Variants in PLXNC1 observed in about 807,000 individuals in gnomAD.
PLXNC1 encodes plexin-C1.
In PLXNC1, 75 loss-of-function variants were observed where a neutral mutation model predicts 178.2. The ratio of observed to expected loss-of-function variants is 0.42; its 90% CI spans 0.35 to 0.51. The LOEUF is 0.51. Ranked by LOEUF, PLXNC1 falls within the 20% of genes least tolerant of loss-of-function variation. The pLI, the probability that PLXNC1 is intolerant of heterozygous loss-of-function variation, is 0.02. For missense variants in PLXNC1, 1,503 were observed against 1,984.4 expected (o/e 0.76, Z 4.61); for synonymous variants, 790 against 779.9 (o/e 1.01, Z -0.22).
Position 94,280,988 on chromosome 12 carries a change from C to T in PLXNC1, c.3776-1310C>T, listed in dbSNP as rs1966396834. 2.0e-5 allele frequency among the ~76,000 whole-genome samples: 3 copies of T among 152,194 alleles called. No individual in the cohort carries two copies. The South Asian group carries it at 6.2e-4, about 31-fold the overall frequency. Reference sequence around the variant, plus strand: ...AACCAGCCATCAACTGTACTGAAATCCAACACCAGGCTGGACGTGGTGGCT... The same window carrying T: ...AACCAGCCATCAACTGTACTGAAATTCAACACCAGGCTGGACGTGGTGGCT... On this transcript the variant is annotated intron_variant, in intron 22 of 30. Coordinates refer to ENST00000258526, the MANE Select transcript of PLXNC1 (RefSeq NM_005761.3).
At chr12:94,261,443 C>T (rs1161952141) in intron 20 of PLXNC1, among the ~76,000 whole-genome samples, 2 of 152,206 alleles carry the variant, frequency 1.3e-5, no homozygotes, top group Admixed American at 6.5e-5. Flanking sequence ...ATCTAGACTT[C>T]ACCACTTACT....
rs377113193 is a variant in PLXNC1, at chr12:94,159,493, G to A, written c.1062+9460G>A. On this transcript the variant is annotated intron_variant, in intron 1 of 30. Coordinates refer to ENST00000258526, the MANE Select transcript of PLXNC1 (RefSeq NM_005761.3). ...GGAAGAGCAGTGCTGGCAGACTGGA[G>A]GGCATGTGCAAGAACTCAAAGATGG... 1.8e-4 allele frequency among the ~76,000 whole-genome samples: 27 copies of A among 152,238 alleles called. No individual in the cohort carries two copies. The East Asian group carries it at 3.5e-3, about 20-fold the overall frequency.
At chr12:94,166,390 C>A (rs746138023) in intron 1 of PLXNC1, among the ~76,000 whole-genome samples, 3 of 152,128 alleles carry the variant, frequency 2.0e-5, no homozygotes, top group Non-Finnish European at 4.4e-5. Flanking sequence ...TACAAAATTA[C>A]TTAGCTAGAA....
chr12:94,238,388 T>A (rs1301225753), intron 10 of PLXNC1, among the ~76,000 whole-genome samples: 1 of 152,342 alleles, frequency 6.6e-6, no homozygotes, highest in African/African-American at 2.4e-5. Flanking sequence ...AACATTATTA[T>A]TTCTGTCACT....
intron 20 of PLXNC1, chr12:94,262,396 C>G (rs1965015260): frequency 4.4e-6 from 3 of 689,444 alleles, no homozygotes; most frequent in Non-Finnish European, 5.4e-6. Context: ...TCTACTGGAT[C>G]TTGTGATTCT....
chr12:94,248,472 C>A, intron 14 of PLXNC1, 60 bp downstream of exon 14: 2 of 1,284,194 alleles, frequency 1.6e-6, no homozygotes, highest in African/African-American at 1.5e-5. Flanking sequence ...AATTCCTTGG[C>A]TAAACCAGAG....
At chr12:94,287,709 G>A (rs1260893312) in intron 23 of PLXNC1, among the ~76,000 whole-genome samples, 1 of 152,236 alleles carries the variant, frequency 6.6e-6, no homozygotes, top group East Asian at 1.9e-4. Context: ...CAAAGGGTCT[G>A]TTAAGTAAGG....
chr12:94,296,390 G>T (rs1402581624), intron 24 of PLXNC1, among the ~76,000 whole-genome samples: 1 of 152,152 alleles, frequency 6.6e-6, no homozygotes. Flanking sequence ...TTGAAATCTG[G>T]ACTCAGGCAG....
At chr12:94,185,750 G>A (rs1014010704) in intron 3 of PLXNC1, among the ~76,000 whole-genome samples, 5 of 152,196 alleles carry the variant, frequency 3.3e-5, no homozygotes, top group South Asian at 2.1e-4. Context: ...GGTCCTCCTC[G>A]TTTCCACATT....
intron 6 of PLXNC1, among the ~76,000 whole-genome samples, 188 bp downstream of exon 6, chr12:94,220,351 C>T (rs1474474830): frequency 6.6e-6 from 1 of 152,160 alleles, no homozygotes; most frequent in East Asian, 1.9e-4. Context: ...TACTCCAAGA[C>T]CCCACTATCA....
At chr12:94,200,568 G>A (rs1425519236) in intron 4 of PLXNC1, among the ~76,000 whole-genome samples, 2 of 152,034 alleles carry the variant, frequency 1.3e-5, no homozygotes, top group Admixed American at 6.6e-5. Flanking sequence ...CCTGTTTAGT[G>A]GTGGAGAAAC....
intron 4 of PLXNC1, among the ~76,000 whole-genome samples, chr12:94,189,978 C>G (rs959188040): frequency 6.6e-6 from 1 of 151,952 alleles, no homozygotes; most frequent in Admixed American, 6.6e-5. Context: ...GAGGAGGGAC[C>G]TGGGGTGGTT....
chr12:94,295,191 C>T (rs1967779209), intron 24 of PLXNC1, among the ~76,000 whole-genome samples: 2 of 152,232 alleles, frequency 1.3e-5, no homozygotes, highest in African/African-American at 2.4e-5. Flanking sequence ...AGGCTCCTTT[C>T]ACACACACAG....
chr12:94,298,565 C>T (rs1346903400), intron 26 of PLXNC1, 67 bp from the exon 27 acceptor site: 4 of 1,244,184 alleles, frequency 3.2e-6, no homozygotes, highest in Non-Finnish European at 4.5e-6. Context: ...TTTGCTTTTG[C>T]TATTATGTTT....
At position 94,148,870 on chromosome 12, in the gene PLXNC1, G is replaced by C. The variant is rs1960825615; in HGVS notation, c.-102G>C. The C allele has an allele frequency of 5.0e-6, 1 of 200,918 alleles. No homozygotes were observed. Among genetic ancestry groups the C allele is most frequent in the Non-Finnish European group, 8.8e-6 (1 of 113,666 alleles). 12.4% of individuals were successfully genotyped at this position (200,918 alleles called of 1,614,324 possible). A position where few individuals can be genotyped will look rare whatever the true frequency, so the allele number is the denominator to read the frequency against. ...ATGGGGCGGCCGCGGGAGCCCGAGC[G>C]CGCGCAGGAACCGCCGCCGCCGCCG... is the stretch of plus-strand genomic sequence containing the variant. On this transcript the variant is annotated 5_prime_UTR_variant, in exon 1 of 31. Coordinates refer to ENST00000258526, the MANE Select transcript of PLXNC1 (RefSeq NM_005761.3). This position sits in a 1 kb window ranked among gnomAD's most constrained non-coding sequence, Gnocchi z 4.8.
chr12:94,256,801 G>A (rs1290921916), intron 17 of PLXNC1, among the ~76,000 whole-genome samples: 5 of 139,990 alleles, frequency 3.6e-5, no homozygotes, highest in Non-Finnish European at 7.6e-5. Flanking sequence ...GAACAAGATA[G>A]AGTAATGAAT....
intron 12 of PLXNC1, among the ~76,000 whole-genome samples, chr12:94,245,607 C>G (rs2136059198): frequency 6.6e-6 from 1 of 152,236 alleles, no homozygotes; most frequent in Admixed American, 6.5e-5. Context: ...CCTGTGAGTC[C>G]AAGAAGACAC....
At chr12:94,283,957 T>A (rs1243499835) in intron 23 of PLXNC1, among the ~76,000 whole-genome samples, 1 of 151,866 alleles carries the variant, frequency 6.6e-6, no homozygotes, top group Non-Finnish European at 1.5e-5. Flanking sequence ...GTGGTGCACA[T>A]CTGTAATCCC....
intron 20 of PLXNC1, chr12:94,262,554 G>C (rs909732947): frequency 1.1e-5 from 11 of 985,348 alleles, no homozygotes; most frequent in Non-Finnish European, 1.3e-5. Flanking sequence ...CGAGCACTCT[G>C]AGTGGTGAGG....
Sources: allele counts gnomAD v4.1 joint callset (sites outside exome capture counted in the v4.1 genomes callset), GRCh38; gene constraint gnomAD v4.1.1; non-coding constraint Gnocchi (gnomAD v3.1); transcripts MANE v1.5; gene names NCBI Gene and HGNC (gene_info 2026-07-23, HGNC 2026-07-21).